The following SPIDR variants were observed in gnomAD, a reference collection of about 807,000 sequenced individuals.
SPIDR encodes DNA repair-scaffolding protein.
Under a neutral mutation model 104.6 loss-of-function variants are expected in SPIDR, and 93 were observed. That is an observed-to-expected ratio of 0.89 (90% confidence interval 0.75 to 1.06). The LOEUF is 1.06. SPIDR is among the 50% of genes least tolerant of loss of function. The pLI is 0.00. For synonymous variants in SPIDR, 431 were observed against 416.9 expected (o/e 1.03, Z -0.41); for missense variants, 1,154 against 1,111.2 (o/e 1.04, Z -0.55).
intron 10 of SPIDR, among the ~76,000 whole-genome samples, chr8:47,602,998 TA>T (rs1172020341): frequency 1.3e-5 from 2 of 152,214 alleles, no homozygotes; most frequent in African/African-American, 4.8e-5. Flanking sequence ...TTAAGTTTTA[TA>T]AATCACTAAA....
At chr8:47,673,529 G>A in intron 10 of SPIDR, 1 of 534,938 alleles carries the variant, frequency 1.9e-6, no homozygotes, top group Admixed American at 2.3e-5. Flanking sequence ...TTAGTTTCAT[G>A]CCTGTGGATG....
chr8:47,559,622 G>T (rs1454430962), intron 8 of SPIDR, among the ~76,000 whole-genome samples: 1 of 152,216 alleles, frequency 6.6e-6, no homozygotes, highest in Non-Finnish European at 1.5e-5. Context: ...TTGTTGAGAA[G>T]ACAGGAGTCT....
At chr8:47,713,268 T>G in intron 15 of SPIDR, 1 of 641,188 alleles carries the variant, frequency 1.6e-6, no homozygotes, top group Non-Finnish European at 2.6e-6. Context: ...TGCCACATAA[T>G]TTACCCTGTG....
At chr8:47,499,939 A>T (rs1217934206) in intron 8 of SPIDR, among the ~76,000 whole-genome samples, 1 of 152,128 alleles carries the variant, frequency 6.6e-6, no homozygotes, top group African/African-American at 2.4e-5. Flanking sequence ...GATGGTTTCC[A>T]GCTTCATCCA....
chr8:47,363,940 T>G (rs949697725), intron 5 of SPIDR, among the ~76,000 whole-genome samples: 4 of 152,034 alleles, frequency 2.6e-5, no homozygotes, highest in East Asian at 1.9e-4. Flanking sequence ...TGAGCTATTT[T>G]GGGGACATGA....
chr8:47,460,429 T>C (rs1362589404), intron 8 of SPIDR, among the ~76,000 whole-genome samples: 3 of 152,230 alleles, frequency 2.0e-5, no homozygotes, highest in Non-Finnish European at 4.4e-5. Flanking sequence ...TTTCTGTCCT[T>C]TTTAACTGCT....
At chr8:47,267,476 CAAGGAATG>C (rs2034344490) in intron 1 of SPIDR, among the ~76,000 whole-genome samples, 1 of 152,222 alleles carries the variant, frequency 6.6e-6, no homozygotes, top group Non-Finnish European at 1.5e-5. Flanking sequence ...GTCTCACCAG[CAAGGAATG>C]AACATTCTAA....
chr8:47,461,721 A>G (rs1177781795), intron 8 of SPIDR, among the ~76,000 whole-genome samples: 3 of 151,704 alleles, frequency 2.0e-5, no homozygotes, highest in African/African-American at 7.3e-5. Flanking sequence ...TATTGCTGAG[A>G]CTTCCCAGAA....
chr8:47,727,018 T>A lies in SPIDR; in HGVS notation c.2342-182T>A, dbSNP rs35850579. Among the ~76,000 whole-genome samples the A allele has an allele frequency of 3.0e-3, 464 of 152,340 alleles. 2 individuals are homozygous for A. Among genetic ancestry groups the A allele is most frequent in the South Asian group, 0.015 (71 of 4,826 alleles). On this transcript the variant is annotated intron_variant, in intron 16 of 19. Coordinates refer to ENST00000297423, the MANE Select transcript of SPIDR (RefSeq NM_001080394.4). ...GGCAAGTTTTAAAACGTACTTCTTATTGTTATAATTTTTCTTTGTACAATA... is the reference window on the plus strand; with the variant it reads ...GGCAAGTTTTAAAACGTACTTCTTAATGTTATAATTTTTCTTTGTACAATA...
rs573475005 is a variant in SPIDR at position 47,342,460 on chromosome 8, C to T, written c.525+48430C>T. ...CAAGTGATTCTCCCACCTCAGGCTCCCGAGTAGCTAGGATTAGAAGTGCAC... is the reference window on the plus strand; with the variant it reads ...CAAGTGATTCTCCCACCTCAGGCTCTCGAGTAGCTAGGATTAGAAGTGCAC... On this transcript the variant is annotated intron_variant, in intron 5 of 19. Transcript: ENST00000297423. Among the ~76,000 whole-genome samples the T allele has an allele frequency of 4.0e-5, 6 of 151,274 alleles. No homozygotes were observed. In the South Asian group the frequency reaches 1.3e-3, roughly 32 times the overall value.
chr8:47,401,404 C>T (rs901143314), intron 6 of SPIDR, among the ~76,000 whole-genome samples: 25 of 152,230 alleles, frequency 1.6e-4, no homozygotes, highest in Admixed American at 2.0e-4. Flanking sequence ...ACCATTGAGG[C>T]TAGGAAGAAA....
At chr8:47,511,732 GT>G in intron 8 of SPIDR, 1 of 1,272,600 alleles carries the variant, frequency 7.9e-7, no homozygotes. Context: ...AGGTCTGTTG[GT>G]CACTCGCTCC....
intron 10 of SPIDR, among the ~76,000 whole-genome samples, chr8:47,621,984 G>A (rs1486451967): frequency 6.6e-6 from 1 of 152,136 alleles, no homozygotes; most frequent in African/African-American, 2.4e-5. Flanking sequence ...AGATAAGACT[G>A]GAAAGGTAGA....
At chr8:47,565,992 A>ATTT (rs768002878) in intron 8 of SPIDR, among the ~76,000 whole-genome samples, 186 of 14,960 alleles carry the variant, frequency 0.012, 39 homozygotes, top group African/African-American at 0.024. Flanking sequence ...ATATATATAT[A>ATTT]TTTTTTTTTT....
chr8:47,307,993 C>T (rs2043404046), intron 5 of SPIDR, among the ~76,000 whole-genome samples: 1 of 151,726 alleles, frequency 6.6e-6, no homozygotes, highest in Non-Finnish European at 1.5e-5. Context: ...TTGTTGAAAA[C>T]AGGGCATTTG....
At chr8:47,478,935 C>A (rs782071489) in intron 8 of SPIDR, among the ~76,000 whole-genome samples, 1 of 152,068 alleles carries the variant, frequency 6.6e-6, no homozygotes, top group South Asian at 2.1e-4. Context: ...TCATCCAAGC[C>A]GTTCTTAGCT....
At chr8:47,272,436 C>T (rs2035527958) in intron 1 of SPIDR, among the ~76,000 whole-genome samples, 1 of 152,006 alleles carries the variant, frequency 6.6e-6, no homozygotes, top group South Asian at 2.1e-4. Context: ...GTTTGTGTTG[C>T]CTGTCGTGTG....
At chr8:47,525,283 G>C (rs1009075864) in intron 8 of SPIDR, among the ~76,000 whole-genome samples, 4 of 152,196 alleles carry the variant, frequency 2.6e-5, no homozygotes, top group African/African-American at 9.7e-5. Context: ...GCTGCTTGCT[G>C]CCTTGTCGTC....
intron 8 of SPIDR, among the ~76,000 whole-genome samples, chr8:47,560,025 G>A (rs1002699285): frequency 1.3e-5 from 2 of 152,132 alleles, no homozygotes; most frequent in Admixed American, 1.3e-4. Flanking sequence ...CCTTGCTTAT[G>A]TTGATAGGCC....
Sources: allele counts gnomAD v4.1 joint callset (sites outside exome capture counted in the v4.1 genomes callset), GRCh38; gene constraint gnomAD v4.1.1; transcripts MANE v1.5; gene names NCBI Gene and HGNC (gene_info 2026-07-23, HGNC 2026-07-21).